The following THSD7B variants were observed in gnomAD, a reference collection of about 807,000 sequenced individuals.
THSD7B encodes the protein thrombospondin type-1 domain-containing protein 7B.
In THSD7B, 138 loss-of-function variants were observed where a neutral mutation model predicts 213.6. The ratio of observed to expected loss-of-function variants is 0.65; its 90% CI spans 0.56 to 0.74. THSD7B has a LOEUF of 0.74. Among genes scored for constraint, THSD7B ranks in the 30% least tolerant of loss-of-function variants. The probability of loss-of-function intolerance (pLI) is 0.00; values close to 1 mark genes in which losing one functional copy is unlikely to be tolerated. For synonymous variants in THSD7B, 742 were observed against 687.0 expected (o/e 1.08, Z -1.25); for missense variants, 1,931 against 1,991.5 (o/e 0.97, Z 0.58).
chr2:137,400,492 C>A (rs946956266), intron 12 of THSD7B, among the ~76,000 whole-genome samples: 7 of 152,094 alleles, frequency 4.6e-5, no homozygotes, highest in Non-Finnish European at 1.0e-4. Flanking sequence ...ATTTCCCTGG[C>A]TATAAATAGC....
Position 137,659,765 on chromosome 2 carries a change from T to A in THSD7B, c.4458+19T>A, listed in dbSNP as rs1263130435. 1 of 1,583,722 alleles carries A rather than the reference T, an allele frequency of 6.3e-7. No homozygotes were observed. Among genetic ancestry groups the A allele is most frequent in the Admixed American group, 1.8e-5 (1 of 55,372 alleles). On this transcript the variant is annotated intron_variant, in intron 25 of 27. Coordinates refer to ENST00000409968, the MANE Select transcript of THSD7B (RefSeq NM_001316349.2). ...TACACAGGTGAGTCATGTGCTGGAGTCTTCTATAAGTGCATTAATTGCTGT... is the reference window on the plus strand; with the variant it reads ...TACACAGGTGAGTCATGTGCTGGAGACTTCTATAAGTGCATTAATTGCTGT...
In THSD7B at chr2:137,534,001, T is replaced by A. The variant is rs191842902; in HGVS notation, c.3139-29220T>A. Among the ~76,000 whole-genome samples the A allele has an allele frequency of 4.5e-3, 501 of 111,294 alleles. 7 individuals are homozygous for A. Among genetic ancestry groups the A allele is most frequent in the African/African-American group, 0.016 (382 of 23,880 alleles). The allele number at this position is 111,294 out of a possible 152,430, so 73.0% of individuals were successfully genotyped here. A position where few individuals can be genotyped will look rare whatever the true frequency, so the allele number is the denominator to read the frequency against. On this transcript the variant is annotated intron_variant, in intron 15 of 27. Transcript: ENST00000409968. ...TTAAATAACTGCCCGTGCACATGTA[T>A]GTGTGTGTGTGTGCGCGCACACACA...
chr2:137,237,856 CA>C (rs1316375826), intron 9 of THSD7B, among the ~76,000 whole-genome samples: 1 of 152,114 alleles, frequency 6.6e-6, no homozygotes, highest in African/African-American at 2.4e-5. Context: ...GGGGAAGTGA[CA>C]AAAAGACAAT....
At chr2:137,597,297 A>C (rs778610309) in intron 17 of THSD7B, among the ~76,000 whole-genome samples, 2 of 152,058 alleles carry the variant, frequency 1.3e-5, no homozygotes, top group East Asian at 3.9e-4. Context: ...AAACAATATT[A>C]GACCATGAAA....
At chr2:137,224,579 G>A (rs1373787557) in intron 7 of THSD7B, among the ~76,000 whole-genome samples, 1 of 152,142 alleles carries the variant, frequency 6.6e-6, no homozygotes, top group African/African-American at 2.4e-5. Flanking sequence ...TGATATTAAT[G>A]CTTTGAGGGT....
At chr2:137,095,192 T>C in intron 4 of THSD7B, 71 bp downstream of exon 4, 2 of 1,559,322 alleles carry the variant, frequency 1.3e-6, no homozygotes, top group Non-Finnish European at 1.7e-6. Flanking sequence ...TTAACAGTAA[T>C]GAAAGTAGCT....
At chr2:137,571,494 A>G (rs1681354407) in intron 16 of THSD7B, among the ~76,000 whole-genome samples, 1 of 152,164 alleles carries the variant, frequency 6.6e-6, no homozygotes, top group African/African-American at 2.4e-5. Flanking sequence ...GTTTAGCTTT[A>G]GTAGACATTG....
intron 20 of THSD7B, among the ~76,000 whole-genome samples, chr2:137,625,380 C>T (rs574564104): frequency 6.2e-4 from 93 of 151,076 alleles, no homozygotes; most frequent in Middle Eastern, 6.8e-3. Context: ...GTGTAAACAA[C>T]GAGTTAATGG....
intron 1 of THSD7B, among the ~76,000 whole-genome samples, chr2:136,869,578 A>T (rs577243194): frequency 6.6e-5 from 10 of 152,218 alleles, no homozygotes; most frequent in African/African-American, 2.4e-4. Flanking sequence ...AATAATGTAA[A>T]ACGGTCCTAC....
At chr2:137,144,653 A>G (rs989639388) in intron 5 of THSD7B, among the ~76,000 whole-genome samples, 1 of 152,064 alleles carries the variant, frequency 6.6e-6, no homozygotes, top group South Asian at 2.1e-4. Context: ...GTGAAAACAC[A>G]CTAATAATGA....
At chr2:136,940,305 C>T (rs2105058903) in intron 2 of THSD7B, among the ~76,000 whole-genome samples, 1 of 152,138 alleles carries the variant, frequency 6.6e-6, no homozygotes, top group Non-Finnish European at 1.5e-5. Flanking sequence ...AGATAATGGC[C>T]TCTACTTCCA....
At chr2:137,434,613 C>G (rs1687254176) in intron 14 of THSD7B, among the ~76,000 whole-genome samples, 2 of 152,326 alleles carry the variant, frequency 1.3e-5, no homozygotes, top group Admixed American at 1.3e-4. Context: ...GTTCAGCACT[C>G]AGGCATGACA....
chr2:137,578,785 T>A (rs1573721006), intron 17 of THSD7B, among the ~76,000 whole-genome samples: 1 of 152,204 alleles, frequency 6.6e-6, no homozygotes, highest in South Asian at 2.1e-4. Context: ...TGTTTCTTTT[T>A]TACAAGGTAA....
intron 15 of THSD7B, among the ~76,000 whole-genome samples, chr2:137,550,363 T>G (rs1321976860): frequency 2.0e-5 from 3 of 152,140 alleles, no homozygotes; most frequent in Non-Finnish European, 4.4e-5. Flanking sequence ...TGAGTGCCCC[T>G]TACTGTGTAT....
intron 12 of THSD7B, among the ~76,000 whole-genome samples, chr2:137,307,619 A>T (rs1683786731): frequency 6.6e-6 from 1 of 152,116 alleles, no homozygotes. Flanking sequence ...TGTGTCCCTA[A>T]AAAAGCTTTC....
At chr2:137,611,727 TA>T (rs1166948128) in intron 17 of THSD7B, among the ~76,000 whole-genome samples, 1 of 152,170 alleles carries the variant, frequency 6.6e-6, no homozygotes, top group Non-Finnish European at 1.5e-5. Flanking sequence ...CCAACACATA[TA>T]AAAAATTAGT....
intron 5 of THSD7B, among the ~76,000 whole-genome samples, chr2:137,157,210 TACTC>T: frequency 6.6e-6 from 1 of 152,310 alleles, no homozygotes; most frequent in East Asian, 1.9e-4. Context: ...GCAGATTTAT[TACTC>T]ACAGATTGGC....
chr2:137,171,891 G>A (rs943967140), intron 7 of THSD7B, among the ~76,000 whole-genome samples: 1 of 151,632 alleles, frequency 6.6e-6, no homozygotes, highest in Non-Finnish European at 1.5e-5. Flanking sequence ...TATAGATTTT[G>A]TCAGGTGATG....
intron 10 of THSD7B, among the ~76,000 whole-genome samples, chr2:137,244,391 T>C (rs1326241864): frequency 6.6e-6 from 1 of 152,196 alleles, no homozygotes; most frequent in Non-Finnish European, 1.5e-5. Context: ...TTGAAGTCTC[T>C]TGATACATAG....
Sources: gnomAD v4.1 joint callset for allele counts (sites outside exome capture counted in the v4.1 genomes callset) on GRCh38, gnomAD v4.1.1 for gene constraint, MANE v1.5 for transcripts, NCBI Gene and HGNC (gene_info 2026-07-23, HGNC 2026-07-21) for gene names.